UBA6: variants seen among roughly 807,000 people sequenced by gnomAD.
UBA6 encodes ubiquitin-like modifier-activating enzyme 6.
Under a neutral mutation model 148.3 loss-of-function variants are expected in UBA6, and 87 were observed. The ratio of observed to expected loss-of-function variants is 0.59; its 90% CI spans 0.49 to 0.70. The LOEUF (loss-of-function observed/expected upper bound fraction) is 0.70. Among genes scored for constraint, UBA6 ranks in the 30% least tolerant of loss-of-function variants. The pLI, the probability that UBA6 is intolerant of heterozygous loss-of-function variation, is 0.00. For synonymous variants in UBA6, 376 were observed against 401.0 expected (o/e 0.94, Z 0.75); for missense variants, 1,186 against 1,241.2 (o/e 0.96, Z 0.67).
rs954656884 is a variant in UBA6 at position 67,618,281 on chromosome 4, C to T, written c.*716G>A. Reference sequence around the variant, plus strand: ...AGCCACATTTGTCTGTTCACATTCACGGATTCTCTAAGAGCGTTGTGAGAG... The same window carrying T: ...AGCCACATTTGTCTGTTCACATTCATGGATTCTCTAAGAGCGTTGTGAGAG... On this transcript the variant is annotated 3_prime_UTR_variant, in exon 33 of 33. Transcript: ENST00000322244. 3.9e-5 allele frequency: 6 copies of T among 152,546 alleles called. No individual in the cohort carries two copies. The highest frequency in any genetic ancestry group is 7.4e-5 in the Non-Finnish European group (5 of 68,002). The allele number at this position is 152,546 out of a possible 1,614,324, so 9.4% of individuals were successfully genotyped here. A position where few individuals can be genotyped will look rare whatever the true frequency, so the allele number is the denominator to read the frequency against.
intron 8 of UBA6, 51 bp from the exon 9 acceptor site, chr4:67,668,725 G>A: frequency 6.6e-7 from 1 of 1,516,188 alleles, no homozygotes; most frequent in Non-Finnish European, 8.9e-7. Context: ...TGTATTCTTT[G>A]TGTACAAATT....
At chr4:67,685,474 T>C (rs1311336686) in intron 2 of UBA6, among the ~76,000 whole-genome samples, 1 of 152,154 alleles carries the variant, frequency 6.6e-6, no homozygotes, top group Non-Finnish European at 1.5e-5. Context: ...GACTGGACTT[T>C]TTTGAGTTGA....
chr4:67,636,583 G>A (rs1322152661), intron 19 of UBA6, among the ~76,000 whole-genome samples: 2 of 152,224 alleles, frequency 1.3e-5, no homozygotes, highest in Non-Finnish European at 2.9e-5. Context: ...TGGTGGAGAC[G>A]GGGTTTTGCA....
At chr4:67,682,036 A>C (rs1377438484) in intron 3 of UBA6, 83 bp downstream of exon 3, 2 of 1,006,878 alleles carry the variant, frequency 2.0e-6, no homozygotes, top group African/African-American at 1.6e-5. Flanking sequence ...CTTTATAGGA[A>C]ATATAAGGGG....
Position 67,616,163 on chromosome 4 carries a change from T to TC in UBA6, c.*2833_*2834insG, listed in dbSNP as rs202019868. ...ATCCTCAAGAGCTCAACTCTGATTT[T>TC]TTTTTTTTCAGAGAAAGCATTCAGA... On this transcript the variant is annotated 3_prime_UTR_variant, in exon 33 of 33. Coordinates refer to ENST00000322244, the MANE Select transcript of UBA6 (RefSeq NM_018227.6). 2.6e-3 allele frequency: 1,015 copies of TC among 396,944 alleles called. 12 individuals carry two copies. Among genetic ancestry groups the TC allele is most frequent in the African/African-American group, 0.019 (917 of 48,608 alleles). 24.6% of individuals were successfully genotyped at this position (396,944 alleles called of 1,614,324 possible).
intron 12 of UBA6, 23 bp from the exon 13 acceptor site, chr4:67,662,278 CTAACTT>C (rs767216777): frequency 6.2e-7 from 1 of 1,605,396 alleles, no homozygotes; most frequent in Non-Finnish European, 8.5e-7. Flanking sequence ...ACAGAACACC[CTAACTT>C]TAATTTTCTC....
At chr4:67,674,627 C>T (rs1464414396) in intron 6 of UBA6, among the ~76,000 whole-genome samples, 1 of 152,088 alleles carries the variant, frequency 6.6e-6, no homozygotes, top group Admixed American at 6.5e-5. Context: ...CTCATATTTC[C>T]TGCATCTGTG....
At chr4:67,652,936 C>CT (rs1336474564) in intron 13 of UBA6, among the ~76,000 whole-genome samples, 2 of 152,190 alleles carry the variant, frequency 1.3e-5, no homozygotes, top group Non-Finnish European at 2.9e-5. Context: ...GCGCAGCAGT[C>CT]TGAGATCCAC....
In UBA6 at chr4:67,621,719, C is replaced by G. The variant is rs572384536; in HGVS notation, c.3023+1112G>C. 2.4e-3 allele frequency among the ~76,000 whole-genome samples: 362 copies of G among 152,220 alleles called. 1 individual carries two copies. Among genetic ancestry groups the G allele is most frequent in the African/African-American group, 8.2e-3 (341 of 41,548 alleles). On this transcript the variant is annotated intron_variant, in intron 32 of 32. Transcript: ENST00000322244. ...ACTCGGGAGGCTGAGGCAGGAGAATCGCTTGAACTCAGGAGGCAGAGGTTG... is the reference window on the plus strand; with the variant it reads ...ACTCGGGAGGCTGAGGCAGGAGAATGGCTTGAACTCAGGAGGCAGAGGTTG...
chr4:67,699,989 G>C (rs1336650963), intron 1 of UBA6, among the ~76,000 whole-genome samples: 1 of 152,164 alleles, frequency 6.6e-6, no homozygotes, highest in Non-Finnish European at 1.5e-5. Flanking sequence ...GGGGGCAATA[G>C]GCCTGGTGGG....
chr4:67,625,336 G>T, intron 28 of UBA6, 149 bp from the exon 29 acceptor site: 1 of 527,712 alleles, frequency 1.9e-6, no homozygotes. Flanking sequence ...GGCAACTAAT[G>T]TTATTGAAGG....
At chr4:67,647,279 G>C (rs1729440545) in intron 14 of UBA6, among the ~76,000 whole-genome samples, 1 of 152,026 alleles carries the variant, frequency 6.6e-6, no homozygotes, top group African/African-American at 2.4e-5. Flanking sequence ...GAGTAGCCAG[G>C]ACTATAAGTG....
chr4:67,632,881 G>C (rs948958223), intron 23 of UBA6, among the ~76,000 whole-genome samples: 6 of 152,020 alleles, frequency 3.9e-5, no homozygotes, highest in African/African-American at 1.2e-4. Context: ...CCTAAAGAGA[G>C]GGAAAGACTA....
At chr4:67,643,987 T>A (rs1372943520) in intron 17 of UBA6, among the ~76,000 whole-genome samples, 1 of 152,136 alleles carries the variant, frequency 6.6e-6, no homozygotes, top group Non-Finnish European at 1.5e-5. Flanking sequence ...GCCTGTTAAC[T>A]ATGATAGTAA....
intron 20 of UBA6, among the ~76,000 whole-genome samples, chr4:67,635,214 A>G (rs1032724182): frequency 1.3e-4 from 20 of 152,264 alleles, no homozygotes; most frequent in African/African-American, 4.6e-4. Flanking sequence ...TTAGAAAACT[A>G]AGCAGCTCTG....
At position 67,701,138 on chromosome 4, in the gene UBA6, C is replaced by A. The variant is rs1730975176; in HGVS notation, c.-19G>T. ...CTTCCATTGCCGCCTGAGACACCGC[C>A]GCCGGCTACTGGAAGGTAGGAAGGG... On this transcript the variant is annotated 5_prime_UTR_variant, in exon 1 of 33. Transcript: ENST00000322244. 1 of 1,610,692 alleles carries A rather than the reference C, an allele frequency of 6.2e-7. No homozygotes were observed. The highest frequency in any genetic ancestry group is 1.3e-5 in the African/African-American group (1 of 74,826).
chr4:67,622,719 C>T, intron 32 of UBA6, 112 bp downstream of exon 32: 1 of 742,932 alleles, frequency 1.3e-6, no homozygotes, highest in Non-Finnish European at 2.1e-6. Flanking sequence ...TGTCATTAGA[C>T]AAGACTAATG....
intron 14 of UBA6, among the ~76,000 whole-genome samples, chr4:67,647,297 C>G (rs896726196): frequency 6.6e-6 from 1 of 152,092 alleles, no homozygotes; most frequent in African/African-American, 2.4e-5. Context: ...GTGCGTGCCA[C>G]CATGCCTGGC....
intron 6 of UBA6, among the ~76,000 whole-genome samples, chr4:67,674,919 C>T (rs1283115071): frequency 2.0e-5 from 3 of 152,040 alleles, no homozygotes; most frequent in Non-Finnish European, 4.4e-5. Flanking sequence ...GGCTGGCGTG[C>T]AGTGGTGCGA....
Sources: gnomAD v4.1 joint callset for allele counts (sites outside exome capture counted in the v4.1 genomes callset) on GRCh38, gnomAD v4.1.1 for gene constraint, MANE v1.5 for transcripts, NCBI Gene and HGNC (gene_info 2026-07-23, HGNC 2026-07-21) for gene names.